The following JMY variants were observed in gnomAD, a reference collection of about 807,000 sequenced individuals.
The protein encoded by JMY is junction mediating and regulatory protein, p53 cofactor, also known as junction-mediating and -regulatory protein.
JMY carries 46 observed loss-of-function variants against 103.3 expected under a neutral mutation model. The observed-to-expected ratio is 0.45, with a 90% CI of 0.35 to 0.57. The LOEUF (loss-of-function observed/expected upper bound fraction) is 0.57, where lower values mean the gene tolerates loss of function less well. Among genes scored for constraint, JMY ranks in the 20% least tolerant of loss-of-function variants. The pLI is 0.00. For synonymous variants in JMY, 526 were observed against 489.3 expected (o/e 1.07, Z -0.99); for missense variants, 1,238 against 1,255.2 (o/e 0.99, Z 0.21).
chr5:79,324,767 G>GAAAT lies in JMY; in HGVS notation c.*3167_*3170dup, dbSNP rs1747577120. On this transcript the variant is annotated 3_prime_UTR_variant, in exon 11 of 11. Transcript: ENST00000396137. The stretch of plus-strand genomic sequence containing the variant: ...TTCCTTAATTCTTCATTGTGGAACT[G>GAAAT]AAATATTTCTGTAATGCATTTTTTA... 6.6e-6 allele frequency: 1 copy of GAAAT among 152,370 alleles called. No individual in the cohort carries two copies. The highest frequency in any genetic ancestry group is 2.4e-5 in the African/African-American group (1 of 41,434). The allele number at this position is 152,370 out of a possible 1,614,324, so 9.4% of individuals were successfully genotyped here.
rs970055955 is a variant in JMY, at chr5:79,263,397, A to AT, written c.1033-14503dup. On this transcript the variant is annotated intron_variant, in intron 1 of 10. Transcript: ENST00000396137. The stretch of plus-strand genomic sequence containing the variant: ...GTCTTTGTTACAAACAGGTTTTTTG[A>AT]TTTTTTTTTTCTTTTCAGGCAGGAT... Among the ~76,000 whole-genome samples, 109 of 149,902 alleles carry AT rather than the reference A, an allele frequency of 7.3e-4. 1 individual carries two copies. The highest frequency in any genetic ancestry group is 3.4e-3 in the Middle Eastern group (1 of 292).
chr5:79,281,120 C>G (rs1746094708), intron 2 of JMY, among the ~76,000 whole-genome samples: 1 of 151,768 alleles, frequency 6.6e-6, no homozygotes, highest in Admixed American at 6.6e-5. Flanking sequence ...TTTTGGCTCA[C>G]TGCAAGCTCC....
chr5:79,237,485 G>A lies in JMY; in HGVS notation c.835G>A (p.Glu279Lys). 6.2e-7 allele frequency: 1 copy of A among 1,613,690 alleles called. No individual in the cohort carries two copies. Among genetic ancestry groups the A allele is most frequent in the Non-Finnish European group, 8.5e-7 (1 of 1,179,920 alleles). ...GTTTGGGGGCGCCCCCGAGATGACC[G>A]AGCAGGAAATCGACACTCTGTGTTA... ...VLFGGAPEMT[E>K]QEIDTLCYQL... Residue 279 changes from glutamate to lysine, a missense_variant, in exon 1 of 11, where the codon GAG becomes AAG. Glu to Lys is a moderately conservative substitution (Grantham distance 56). Coordinates refer to ENST00000396137, the MANE Select transcript of JMY (RefSeq NM_152405.5).
At position 79,321,769 on chromosome 5, in the gene JMY, C is replaced by T. The variant is rs1209141684; in HGVS notation, c.*167C>T. ...AATTGGCAGGTTATCACTTTCCAGT[C>T]GTTCCAATAGATGATGGTTAACATG... is the stretch of plus-strand genomic sequence containing the variant. On this transcript the variant is annotated 3_prime_UTR_variant, in exon 11 of 11. Coordinates refer to ENST00000396137, the MANE Select transcript of JMY (RefSeq NM_152405.5). The T allele has an allele frequency of 2.0e-5, 3 of 152,152 alleles. No individual in the cohort carries two copies. The highest frequency in any genetic ancestry group is 4.8e-5 in the African/African-American group (2 of 41,432). The allele number at this position is 152,152 out of a possible 1,614,324, so 9.4% of individuals were successfully genotyped here.
At position 79,237,470 on chromosome 5, in the gene JMY, G is replaced by A. The variant is rs188666071; in HGVS notation, c.820G>A (p.Ala274Thr). Reference protein sequence around the residue: ...SGMWTVLFGGAPEMTEQEIDT... With the variant: ...SGMWTVLFGGTPEMTEQEIDT... The stretch of plus-strand genomic sequence containing the variant: ...CATGTGGACTGTGCTGTTTGGGGGC[G>A]CCCCCGAGATGACCGAGCAGGAAAT... The change falls in exon 1 of 11, where the codon GCC becomes ACC. Residue 274 changes from alanine (A) to threonine (T), a missense_variant. By Grantham distance (58) the Ala-to-Thr change is moderately conservative. Transcript: ENST00000396137. 5.5e-5 allele frequency: 88 copies of A among 1,609,670 alleles called. No homozygotes were observed. In the African/African-American group the frequency reaches 1.0e-3, roughly 18 times the overall value.
intron 10 of JMY, among the ~76,000 whole-genome samples, chr5:79,320,719 A>G (rs1321652579): frequency 1.3e-5 from 2 of 152,220 alleles, no homozygotes; most frequent in African/African-American, 4.8e-5. Flanking sequence ...GAAAAGGAAC[A>G]TGTGAAACTG....
At chr5:79,259,281 C>A (rs1745346551) in intron 1 of JMY, among the ~76,000 whole-genome samples, 1 of 152,214 alleles carries the variant, frequency 6.6e-6, no homozygotes, top group Admixed American at 6.5e-5. Context: ...CTGGGGTGGG[C>A]AGCTTCTCTC....
chr5:79,326,544 A>G lies in JMY; in HGVS notation c.*4942A>G, dbSNP rs962300848. 1 of 152,174 alleles carries G rather than the reference A, an allele frequency of 6.6e-6. No homozygotes were observed. The highest frequency in any genetic ancestry group is 1.5e-5 in the Non-Finnish European group (1 of 68,012). The allele number at this position is 152,174 out of a possible 1,614,324, so 9.4% of individuals were successfully genotyped here. ...TTCTGAGTTCTTTAACTTTGACAGA[A>G]TCTCCATTGTTTCATTGAATTTCTC... On this transcript the variant is annotated 3_prime_UTR_variant, in exon 11 of 11. Transcript: ENST00000396137.
At position 79,237,543 on chromosome 5, in the gene JMY, A is replaced by G; in HGVS notation, c.893A>G (p.Asp298Gly). 6.2e-7 allele frequency: 1 copy of G among 1,613,646 alleles called. No homozygotes were observed. Among genetic ancestry groups the G allele is most frequent in the Non-Finnish European group, 8.5e-7 (1 of 1,179,998 alleles). ...QLQVYLGHGL[D>G]TCGWKILSQV... Reference sequence around the variant, plus strand: ...CAGGTCTACCTGGGCCACGGCCTGGACACCTGCGGCTGGAAGATCCTCTCC... The same window carrying G: ...CAGGTCTACCTGGGCCACGGCCTGGGCACCTGCGGCTGGAAGATCCTCTCC... The change falls in exon 1 of 11, where the codon GAC (aspartate) becomes GGC (glycine). Residue 298 changes from aspartate (D) to glycine (G), a missense_variant. By Grantham distance (94) the Asp-to-Gly change is moderately conservative. Coordinates refer to ENST00000396137, the MANE Select transcript of JMY (RefSeq NM_152405.5).
chr5:79,247,564 G>C (rs1026045829), intron 1 of JMY, among the ~76,000 whole-genome samples: 2 of 152,110 alleles, frequency 1.3e-5, no homozygotes, highest in African/African-American at 4.8e-5. Flanking sequence ...CCATCTGCCT[G>C]CCTCAGTCTC....
intron 4 of JMY, among the ~76,000 whole-genome samples, chr5:79,297,354 T>C (rs1357981512): frequency 2.0e-5 from 3 of 152,134 alleles, no homozygotes; most frequent in South Asian, 4.1e-4. Flanking sequence ...AGACACCCCA[T>C]TGTGGCACCC....
At chr5:79,271,222 G>A (rs1014299044) in intron 1 of JMY, among the ~76,000 whole-genome samples, 2 of 151,068 alleles carry the variant, frequency 1.3e-5, no homozygotes, top group Non-Finnish European at 2.9e-5. Context: ...TTAGTAGAGA[G>A]AGTCTCGCTA....
intron 1 of JMY, among the ~76,000 whole-genome samples, chr5:79,259,094 G>C (rs1195898328): frequency 6.6e-6 from 1 of 152,154 alleles, no homozygotes; most frequent in African/African-American, 2.4e-5. Flanking sequence ...TCAGCAGAGA[G>C]GGTAGCTCCT....
In JMY at chr5:79,314,593, A is replaced by T; in HGVS notation, c.2401A>T (p.Asn801Tyr). The change falls in exon 9 of 11, where the codon AAT becomes TAT. Residue 801 changes from asparagine to tyrosine, a missense_variant. Transcript: ENST00000396137. ...NNLEPCSVTINPLPSPLPPTP... is the reference protein window; with the variant it reads ...NNLEPCSVTIYPLPSPLPPTP... ...CCTCGAACCATGTTCTGTTACCATA[A>T]ATCCACTCCCATCCCCTCTTCCTCC... 1.2e-6 allele frequency: 2 copies of T among 1,613,760 alleles called. No individual in the cohort carries two copies. The highest frequency in any genetic ancestry group is 1.1e-5 in the South Asian group (1 of 91,016).
At chr5:79,298,064 C>T (rs1208908094) in intron 4 of JMY, among the ~76,000 whole-genome samples, 1 of 152,062 alleles carries the variant, frequency 6.6e-6, no homozygotes, top group Non-Finnish European at 1.5e-5. Flanking sequence ...CAACTTTTTT[C>T]CTTAGCCAAG....
At chr5:79,287,288 T>C (rs1229544983) in intron 2 of JMY, among the ~76,000 whole-genome samples, 1 of 152,194 alleles carries the variant, frequency 6.6e-6, no homozygotes, top group Non-Finnish European at 1.5e-5. Context: ...AACTCTTCTA[T>C]TGGCAAAGGC....
chr5:79,305,150 T>C (rs1249876066), intron 6 of JMY, among the ~76,000 whole-genome samples: 2 of 152,118 alleles, frequency 1.3e-5, no homozygotes, highest in East Asian at 3.8e-4. Flanking sequence ...CTTTCTCTAA[T>C]TGAAAGAGTG....
intron 1 of JMY, among the ~76,000 whole-genome samples, chr5:79,263,837 G>A (rs944474213): frequency 6.6e-6 from 1 of 150,576 alleles, no homozygotes; most frequent in Non-Finnish European, 1.5e-5. Context: ...CACTCTTGTC[G>A]CCCAGGCTGG....
In JMY at chr5:79,236,802, C is replaced by G. The variant is rs930382426; in HGVS notation, c.152C>G (p.Ala51Gly). ...KFAITCHNRT[A>G]QRQRSGSREQ... Reference sequence around the variant, plus strand: ...GCCATAACCTGCCACAACCGGACGGCCCAGAGGCAGAGGAGCGGCTCCCGG... The same window carrying G: ...GCCATAACCTGCCACAACCGGACGGGCCAGAGGCAGAGGAGCGGCTCCCGG... The change falls in exon 1 of 11, where the codon GCC (alanine) becomes GGC (glycine). Residue 51 changes from alanine (A) to glycine (G), a missense_variant. Ala to Gly is a moderately conservative substitution (Grantham distance 60). Coordinates refer to ENST00000396137, the MANE Select transcript of JMY (RefSeq NM_152405.5). 2 of 1,491,896 alleles carry G rather than the reference C, an allele frequency of 1.3e-6. No individual in the cohort carries two copies. The highest frequency in any genetic ancestry group is 2.9e-5 in the African/African-American group (2 of 68,570). 92.4% of individuals were successfully genotyped at this position (1,491,896 alleles called of 1,614,324 possible).
Sources: allele counts gnomAD v4.1 joint callset (sites outside exome capture counted in the v4.1 genomes callset), GRCh38; gene constraint gnomAD v4.1.1; transcripts MANE v1.5; gene names NCBI Gene and HGNC (gene_info 2026-07-23, HGNC 2026-07-21).